The following NEB variants were observed in gnomAD, a reference collection of about 807,000 sequenced individuals.
NEB encodes the protein nemaline myopathy type 2.
A neutral mutation model predicts 952.2 loss-of-function variants in NEB; 512 were observed. That is an observed-to-expected ratio of 0.54 (90% confidence interval 0.50 to 0.58). The LOEUF is 0.58. NEB is among the 20% of genes least tolerant of loss of function. The probability of loss-of-function intolerance (pLI) is 0.00; values close to 1 mark genes in which losing one functional copy is unlikely to be tolerated. For missense variants in NEB, 8,428 were observed against 9,231.1 expected (o/e 0.91, Z 3.56); for synonymous variants, 2,900 against 3,149.8 (o/e 0.92, Z 2.66).
intron 24 of NEB, chr2:151,689,403 C>T (rs1015156371): frequency 6.6e-6 from 1 of 151,846 alleles, no homozygotes; most frequent in African/African-American, 2.4e-5. Context: ...ATGGGGTTTA[C>T]CATGTTGCCC....
intron 168 of NEB, among the ~76,000 whole-genome samples, chr2:151,500,242 C>G (rs1319820259): frequency 6.6e-6 from 1 of 152,048 alleles, no homozygotes; most frequent in Non-Finnish European, 1.5e-5. Context: ...AGTTACTGAT[C>G]TAATTATGTC....
rs202139330 is a variant in NEB, at chr2:151,548,367, G to T, written c.20098C>A (p.Leu6700Ile). ...ACAAATGGAACATCTTTGGGGCCAA[G>T]TGTATACCCATATGCCTTGGTGTGT... ...YEHTKAYGYT[L>I]GPKDVPFVHV... Residue 6700 changes from leucine (L) to isoleucine (I), a missense_variant, in exon 131 of 182, where the codon CTT becomes ATT. By Grantham distance (5) the Leu-to-Ile change is conservative. This residue lies in a region of NEB where 3,374 missense variants were observed against 3,651.5 expected (regional missense o/e 0.92). Coordinates refer to ENST00000397345, the MANE Select transcript of NEB (RefSeq NM_001164508.2). The T allele has an allele frequency of 3.1e-4, 507 of 1,613,796 alleles. 1 individual carries two copies. The highest frequency in any genetic ancestry group is 3.6e-4 in the Non-Finnish European group (430 of 1,179,752).
intron 119 of NEB, 72 bp downstream of exon 119, chr2:151,563,532 CAA>C: frequency 7.6e-7 from 1 of 1,319,824 alleles, no homozygotes; most frequent in Non-Finnish European, 1.1e-6. Context: ...AACCAAAGGG[CAA>C]GTTATAAACA....
chr2:151,734,271 C>A (rs997540743), intron 1 of NEB, 127 bp downstream of exon 1: 6 of 152,186 alleles, frequency 3.9e-5, no homozygotes, highest in African/African-American at 1.4e-4. Flanking sequence ...TGGGGTTAAA[C>A]TCTCCTAGCC....
rs1448227102 is a variant in NEB, at chr2:151,619,642, A to T, written c.10681T>A (p.Tyr3561Asn). The change falls in exon 73 of 182, where the codon TAC becomes AAC. Residue 3561 changes from tyrosine to asparagine, a missense_variant. Around this residue, in one of 11 missense-constraint regions of NEB, gnomAD observed 1,772 missense variants for 1,960.3 expected, o/e 0.90. Transcript: ENST00000397345. ...TTGTATTTCTCAAAATCTTTCTTGT[A>T]CTCACGGTCACTCTGCACTTTGGCA... ...HIAKVQSDRE[Y>N]KKDFEKYKTR... is the part of the protein sequence containing the mutation. The T allele has an allele frequency of 6.2e-7, 1 of 1,613,778 alleles. No individual in the cohort carries two copies. The highest frequency in any genetic ancestry group is 1.7e-5 in the Admixed American group (1 of 60,010).
Position 151,687,444 on chromosome 2 carries a change from A to C in NEB, c.2612T>G (p.Leu871Trp). 6.2e-7 allele frequency: 1 copy of C among 1,613,956 alleles called. No homozygotes were observed. The highest frequency in any genetic ancestry group is 8.5e-7 in the Non-Finnish European group (1 of 1,179,794). ...INDDPKMLHSLKTAKNQSDRE... is the reference protein window; with the variant it reads ...INDDPKMLHSWKTAKNQSDRE... ...ATCACTCTGGTTTTTGGCTGTCTTC[A>C]AGGAGTGCAGCATCTTTGGATCGTC... The change falls in exon 27 of 182, where the codon TTG becomes TGG. Residue 871 changes from leucine to tryptophan, a missense_variant. By Grantham distance (61) the Leu-to-Trp change is moderately conservative. Around this residue, in one of 11 missense-constraint regions of NEB, gnomAD observed 2,851 missense variants for 2,791.5 expected, o/e 1.02. Coordinates refer to ENST00000397345, the MANE Select transcript of NEB (RefSeq NM_001164508.2).
intron 121 of NEB, among the ~76,000 whole-genome samples, chr2:151,561,569 TCA>T (rs2096057916): frequency 6.9e-6 from 1 of 145,896 alleles, no homozygotes; most frequent in East Asian, 2.0e-4. Context: ...CAGCAGCCCC[TCA>T]CTTTTTTTTT....
At chr2:151,501,538 G>C in intron 167 of NEB, 55 bp from the exon 168 acceptor site, 3 of 1,014,080 alleles carry the variant, frequency 3.0e-6, no homozygotes, top group Non-Finnish European at 4.0e-6. Context: ...TTTTTAGGTA[G>C]ACTTAACCTA....
At position 151,525,143 on chromosome 2, in the gene NEB, T is replaced by A; in HGVS notation, c.22272+20A>T. The A allele has an allele frequency of 6.4e-7, 1 of 1,553,418 alleles. No individual in the cohort carries two copies. The highest frequency in any genetic ancestry group is 8.9e-7 in the Non-Finnish European group (1 of 1,125,146). ...ACTGCTTCAAATGGGCCCCCAAGAG[T>A]GTTGAGAGGGAAAACTTACATCACT... On this transcript the variant is annotated intron_variant, in intron 151 of 181. Coordinates refer to ENST00000397345, the MANE Select transcript of NEB (RefSeq NM_001164508.2).
intron 70 of NEB, among the ~76,000 whole-genome samples, 162 bp from the exon 71 acceptor site, chr2:151,625,800 G>T (rs922351280): frequency 1.3e-5 from 2 of 151,898 alleles, no homozygotes; most frequent in Non-Finnish European, 2.9e-5. Context: ...GACATTTATT[G>T]TAACAAAATA....
At chr2:151,610,426 G>T in intron 80 of NEB, 90 bp downstream of exon 80, 2 of 944,938 alleles carry the variant, frequency 2.1e-6, no homozygotes, top group East Asian at 2.4e-5. Context: ...GGTACATGTG[G>T]AAATCACTAT....
At chr2:151,529,952 G>C (rs971717950) in intron 145 of NEB, among the ~76,000 whole-genome samples, 1 of 152,134 alleles carries the variant, frequency 6.6e-6, no homozygotes, top group Admixed American at 6.5e-5. Flanking sequence ...ACTGCTGATG[G>C]AAGAGAAGCC....
At chr2:151,519,127 T>C in intron 154 of NEB, 58 bp from the exon 155 acceptor site, 1 of 1,131,748 alleles carries the variant, frequency 8.8e-7, no homozygotes, top group South Asian at 1.3e-5. Context: ...ACAGCACTAA[T>C]GGAAATCAAA....
intron 25 of NEB, 81 bp from the exon 26 acceptor site, chr2:151,687,814 G>T: frequency 7.8e-7 from 1 of 1,277,616 alleles, no homozygotes; most frequent in African/African-American, 1.5e-5. Context: ...TTGAAAATTT[G>T]TGTATGTATA....
At chr2:151,559,844 A>C (rs907346226) in intron 124 of NEB, among the ~76,000 whole-genome samples, 1 of 152,188 alleles carries the variant, frequency 6.6e-6, no homozygotes, top group Non-Finnish European at 1.5e-5. Flanking sequence ...AATGTAGATG[A>C]TGGGTTGATG....
intron 157 of NEB, 117 bp downstream of exon 157, chr2:151,516,342 T>C: frequency 3.1e-6 from 2 of 635,830 alleles, no homozygotes; most frequent in South Asian, 2.4e-5. Flanking sequence ...GATCACATGA[T>C]AAAAAGTTTC....
At chr2:151,528,201 GGCT>G (rs1576358088) in intron 146 of NEB, among the ~76,000 whole-genome samples, 3 of 152,142 alleles carry the variant, frequency 2.0e-5, no homozygotes, top group East Asian at 3.9e-4. Flanking sequence ...CTGGAGAACT[GGCT>G]GCATTGGGCC....
intron 83 of NEB, among the ~76,000 whole-genome samples, chr2:151,607,091 C>G (rs1246919234): frequency 9.8e-6 from 1 of 102,314 alleles, no homozygotes; most frequent in Non-Finnish European, 2.6e-5. Flanking sequence ...TTTGACTTTT[C>G]AGAAGTTTCT....
intron 161 of NEB, among the ~76,000 whole-genome samples, chr2:151,512,390 G>A (rs1047422304): frequency 2.0e-5 from 3 of 151,262 alleles, no homozygotes; most frequent in Non-Finnish European, 4.4e-5. Flanking sequence ...CAGTGGTGCA[G>A]TCACAGCTGA....
Sources: gnomAD v4.1 joint callset for allele counts (sites outside exome capture counted in the v4.1 genomes callset) on GRCh38, gnomAD v4.1.1 for gene constraint, gnomAD v4.1.1 regional missense constraint, MANE v1.5 for transcripts, NCBI Gene and HGNC (gene_info 2026-07-23, HGNC 2026-07-21) for gene names.